Variants in SH3GL3 observed in about 807,000 individuals in gnomAD.
SH3GL3 encodes the protein SH3 domain containing GRB2 like 3, endophilin A3.
In SH3GL3, 33 loss-of-function variants were observed where a neutral mutation model predicts 47.7. That is an observed-to-expected ratio of 0.69 (90% CI 0.52 to 0.92). The LOEUF is 0.92. Among genes scored for constraint, SH3GL3 ranks in the 40% least tolerant of loss-of-function variants. The pLI is 0.00. For missense variants in SH3GL3, 363 were observed against 417.8 expected, an observed-to-expected ratio of 0.87 and a Z score of 1.14; for synonymous variants, 155 against 148.8, an observed-to-expected ratio of 1.04 and a Z score of -0.30.
chr15:83,562,770 A>T (rs1255537069), intron 2 of SH3GL3, among the ~76,000 whole-genome samples: 1 of 152,222 alleles, frequency 6.6e-6, no homozygotes, highest in African/African-American at 2.4e-5. Flanking sequence ...CATAAAATCT[A>T]TTAACAGCAT....
Position 83,568,557 on chromosome 15 carries a change from C to T in SH3GL3, c.216C>T (p.Asn72=), listed in dbSNP as rs1047548534. 1.2e-6 allele frequency: 2 copies of T among 1,613,514 alleles called. No individual in the cohort carries two copies. Among genetic ancestry groups the T allele is most frequent in the African/African-American group, 2.7e-5 (2 of 75,032 alleles). Residue 72 remains asparagine, a synonymous_variant, in exon 4 of 9, where the codon AAC becomes AAT. Transcript: ENST00000427482. ...PAYRAKLGML[N]TVSKIRGQVK... is the part of the protein sequence containing the mutation. ...ACAGAGCTAAGCTAGGAATGCTGAA[C>T]ACTGTGTCGAAGATCCGAGGGCAGG...
chr15:83,580,740 C>T (rs1281983267), intron 6 of SH3GL3, among the ~76,000 whole-genome samples: 2 of 152,156 alleles, frequency 1.3e-5, no homozygotes, highest in Non-Finnish European at 2.9e-5. Context: ...GGGGAGAGCC[C>T]GCCTGTCTTA....
intron 1 of SH3GL3, among the ~76,000 whole-genome samples, chr15:83,519,293 A>G (rs1422963984): frequency 6.6e-6 from 1 of 152,170 alleles, no homozygotes; most frequent in Non-Finnish European, 1.5e-5. Flanking sequence ...GATTCTTCCA[A>G]TCCATGAGCA....
intron 1 of SH3GL3, among the ~76,000 whole-genome samples, chr15:83,558,736 T>G (rs2045092473): frequency 6.6e-6 from 1 of 152,174 alleles, no homozygotes; most frequent in Admixed American, 6.5e-5. Context: ...TGAAATGTTC[T>G]CTATCCTTAA....
chr15:83,545,686 G>A (rs1365070056), intron 1 of SH3GL3, among the ~76,000 whole-genome samples: 2 of 152,162 alleles, frequency 1.3e-5, no homozygotes, highest in African/African-American at 4.8e-5. Flanking sequence ...AGTATTCAAA[G>A]GGAATTGAGC....
chr15:83,507,429 T>A (rs1468113997), intron 1 of SH3GL3, among the ~76,000 whole-genome samples: 4 of 151,978 alleles, frequency 2.6e-5, no homozygotes. Flanking sequence ...TATTATTTTT[T>A]TTTTGAGAGA....
chr15:83,488,944 A>G (rs576841166), intron 1 of SH3GL3, among the ~76,000 whole-genome samples: 2 of 152,352 alleles, frequency 1.3e-5, no homozygotes, highest in African/African-American at 4.8e-5. Flanking sequence ...TCCCTGACCC[A>G]GAAGACCATG....
chr15:83,514,103 C>G (rs80242870), intron 1 of SH3GL3, among the ~76,000 whole-genome samples: 175 of 152,184 alleles, frequency 1.1e-3, no homozygotes, highest in African/African-American at 3.9e-3. Context: ...ATCAGTGGCT[C>G]AAGGGCAAAA....
chr15:83,559,535 A>T (rs545237295), intron 2 of SH3GL3, among the ~76,000 whole-genome samples: 1 of 152,328 alleles, frequency 6.6e-6, no homozygotes, highest in African/African-American at 2.4e-5. Flanking sequence ...GAGTAATGAG[A>T]TCGATGTGGC....
intron 1 of SH3GL3, among the ~76,000 whole-genome samples, chr15:83,466,624 T>G (rs1367140112): frequency 1.3e-5 from 2 of 152,244 alleles, no homozygotes; most frequent in Non-Finnish European, 2.9e-5. Context: ...TTTAAGAAAC[T>G]ATCAACCTCT....
intron 1 of SH3GL3, among the ~76,000 whole-genome samples, chr15:83,521,139 G>A (rs1159396185): frequency 6.6e-6 from 1 of 152,056 alleles, no homozygotes; most frequent in Non-Finnish European, 1.5e-5. Flanking sequence ...AGAATAATTG[G>A]TAACCAAATG....
chr15:83,473,879 C>A lies in SH3GL3; in HGVS notation c.45+26301C>A, dbSNP rs540845439. On this transcript the variant is annotated intron_variant, in intron 1 of 8. Transcript: ENST00000427482. Reference sequence around the variant, plus strand: ...GCTTTTTTTTTTTTTTATGTCCATGCGCATTTCCGTGTTGCTGGCTTCTTC... The same window carrying A: ...GCTTTTTTTTTTTTTTATGTCCATGAGCATTTCCGTGTTGCTGGCTTCTTC... Among the ~76,000 whole-genome samples, 23 of 149,302 alleles carry A rather than the reference C, an allele frequency of 1.5e-4. 1 individual carries two copies. In the South Asian group the frequency reaches 4.3e-3, roughly 28 times the overall value.
At chr15:83,563,699 C>T (rs953111087) in intron 2 of SH3GL3, among the ~76,000 whole-genome samples, 3 of 151,934 alleles carry the variant, frequency 2.0e-5, no homozygotes, top group East Asian at 1.9e-4. Flanking sequence ...AGTGTAGTGG[C>T]GTGATCTCGG....
At position 83,536,405 on chromosome 15, in the gene SH3GL3, C is replaced by CTTTTCTTTTCT. The variant is rs1555491015; in HGVS notation, c.46-22844_46-22843insCTTTTCTTTTT. On this transcript the variant is annotated intron_variant, in intron 1 of 8. Transcript: ENST00000427482. ...TTTTCTTTTTCTTTTCTTTTCTTTT[C>CTTTTCTTTTCT]TTTTTTTTTTTTTTTTGAGACAGAG... Among the ~76,000 whole-genome samples, 99 of 113,700 alleles carry CTTTTCTTTTCT rather than the reference C, an allele frequency of 8.7e-4. 1 individual carries two copies. The highest frequency in any genetic ancestry group is 4.4e-3 in the Middle Eastern group (1 of 228). 74.6% of individuals were successfully genotyped at this position (113,700 alleles called of 152,430 possible). A position where few individuals can be genotyped will look rare whatever the true frequency, so the allele number is the denominator to read the frequency against.
intron 1 of SH3GL3, among the ~76,000 whole-genome samples, chr15:83,496,814 G>A (rs1387005751): frequency 6.6e-6 from 1 of 152,144 alleles, no homozygotes; most frequent in Non-Finnish European, 1.5e-5. Context: ...TGTGATTCCA[G>A]GTCAGGAGGA....
intron 1 of SH3GL3, among the ~76,000 whole-genome samples, chr15:83,533,216 T>C (rs1200964319): frequency 6.6e-6 from 1 of 151,896 alleles, no homozygotes; most frequent in Non-Finnish European, 1.5e-5. Flanking sequence ...GTAGCCAGAG[T>C]AGAATATGGG....
intron 1 of SH3GL3, among the ~76,000 whole-genome samples, chr15:83,546,230 C>T (rs1171293993): frequency 9.4e-5 from 14 of 148,550 alleles, no homozygotes; most frequent in Admixed American, 8.8e-4. Context: ...GTGGCTGAGC[C>T]GCTACCCAAG....
At chr15:83,474,666 T>G (rs2041012022) in intron 1 of SH3GL3, among the ~76,000 whole-genome samples, 1 of 152,184 alleles carries the variant, frequency 6.6e-6, no homozygotes, top group African/African-American at 2.4e-5. Context: ...ATGGTCTCTG[T>G]AGAGATAACT....
intron 2 of SH3GL3, 67 bp downstream of exon 2, chr15:83,559,388 A>G: frequency 1.2e-6 from 1 of 850,422 alleles, no homozygotes; most frequent in South Asian, 1.4e-5. Context: ...ATATACTGCT[A>G]TTGTAAAGGA....
Sources: allele counts gnomAD v4.1 joint callset (sites outside exome capture counted in the v4.1 genomes callset), GRCh38; gene constraint gnomAD v4.1.1; transcripts MANE v1.5; gene names NCBI Gene and HGNC (gene_info 2026-07-23, HGNC 2026-07-21).